PUM2: variants seen among roughly 807,000 people sequenced by gnomAD.
PUM2 encodes the protein pumilio homolog 2.
PUM2 carries 57 observed loss-of-function variants against 124.5 expected under a neutral mutation model. The observed-to-expected ratio is 0.46, with a 90% CI of 0.37 to 0.57. PUM2 has a LOEUF of 0.57. Ranked by LOEUF, PUM2 falls within the 20% of genes least tolerant of loss-of-function variation. The probability of loss-of-function intolerance (pLI) is 0.00; values close to 1 mark genes in which losing one functional copy is unlikely to be tolerated. For missense variants in PUM2, 1,065 were observed against 1,290.6 expected, an observed-to-expected ratio of 0.83 and a Z score of 2.68; for synonymous variants, 460 against 446.1, an observed-to-expected ratio of 1.03 and a Z score of -0.39.
chr2:20,248,938 G>A lies in PUM2; in HGVS notation c.*2647C>T, dbSNP rs1396271484. On this transcript the variant is annotated 3_prime_UTR_variant, in exon 21 of 21. Coordinates refer to ENST00000361078, the MANE Select transcript of PUM2 (RefSeq NM_015317.5). ...GCCCAATTGTTTTATTCTGAAATGT[G>A]ATTTTCAGATTTTACCAAAATTTCA... 6.6e-6 allele frequency: 1 copy of A among 152,402 alleles called. No homozygotes were observed. The highest frequency in any genetic ancestry group is 1.9e-4 in the East Asian group (1 of 5,206). The allele number at this position is 152,402 out of a possible 1,614,324, so 9.4% of individuals were successfully genotyped here.
intron 1 of PUM2, among the ~76,000 whole-genome samples, chr2:20,340,835 G>A (rs529454934): frequency 6.6e-6 from 1 of 152,238 alleles, no homozygotes; most frequent in African/African-American, 2.4e-5. Flanking sequence ...ACAGTTCCAG[G>A]TTGGCCACTA....
intron 20 of PUM2, among the ~76,000 whole-genome samples, chr2:20,252,168 CA>C (rs1663549950): frequency 6.6e-6 from 1 of 152,290 alleles, no homozygotes; most frequent in Admixed American, 6.5e-5. Context: ...TAGTTTACAG[CA>C]GAAACACTCA....
At chr2:20,318,489 A>G in intron 3 of PUM2, 48 bp downstream of exon 3, 1 of 1,511,546 alleles carries the variant, frequency 6.6e-7, no homozygotes. Context: ...TATGACTTAT[A>G]AAATGCTAAA....
chr2:20,329,899 A>T (rs1209384729), intron 1 of PUM2, among the ~76,000 whole-genome samples: 1 of 152,168 alleles, frequency 6.6e-6, no homozygotes, highest in Non-Finnish European at 1.5e-5. Flanking sequence ...AATGAACAGG[A>T]TGGTAAAAAT....
intron 7 of PUM2, among the ~76,000 whole-genome samples, chr2:20,302,045 TA>T (rs976094240): frequency 5.3e-5 from 8 of 152,230 alleles, no homozygotes; most frequent in African/African-American, 1.2e-4. Flanking sequence ...ACTATATCCT[TA>T]AAAAAAATTT....
At chr2:20,294,318 T>C (rs1674966520) in intron 9 of PUM2, 58 bp downstream of exon 9, 1 of 1,575,262 alleles carries the variant, frequency 6.3e-7, no homozygotes, top group African/African-American at 1.4e-5. Flanking sequence ...TCTTAAACAT[T>C]AGGAGCTCAA....
intron 13 of PUM2, among the ~76,000 whole-genome samples, chr2:20,266,695 T>C (rs2148644254): frequency 6.6e-6 from 1 of 152,234 alleles, no homozygotes; most frequent in South Asian, 2.1e-4. Flanking sequence ...ATCTGGAGAT[T>C]GAGACATTCT....
chr2:20,291,160 A>C (rs1673977348), intron 9 of PUM2, among the ~76,000 whole-genome samples: 1 of 152,214 alleles, frequency 6.6e-6, no homozygotes, highest in Non-Finnish European at 1.5e-5. Context: ...CTGAGTCCAC[A>C]CTGTGGAAGG....
At chr2:20,324,124 G>C (rs1390580323) in intron 2 of PUM2, among the ~76,000 whole-genome samples, 1 of 152,006 alleles carries the variant, frequency 6.6e-6, no homozygotes, top group African/African-American at 2.4e-5. Context: ...TTATCCCTAA[G>C]AGCTTATATT....
At position 20,258,260 on chromosome 2, in the gene PUM2, T is replaced by G. The variant is rs191442919; in HGVS notation, c.2467A>C (p.Ile823Leu). 2.4e-5 allele frequency: 38 copies of G among 1,600,154 alleles called. No homozygotes were observed. The highest frequency in any genetic ancestry group is 2.9e-5 in the Non-Finnish European group (34 of 1,171,974). ...ACAATTACCTGCTGGTCAGAAGAAATAGATTCTAATGCTTTCTGAATAACG... is the reference window on the plus strand; with the variant it reads ...ACAATTACCTGCTGGTCAGAAGAAAGAGATTCTAATGCTTTCTGAATAACG... ...CRVIQKALES[I>L]SSDQQSEMVK... Residue 823 changes from isoleucine to leucine, a missense_variant, in exon 16 of 21, where the codon ATT (isoleucine) becomes CTT (leucine). Around this residue, in one of 3 missense-constraint regions of PUM2, gnomAD observed 968 missense variants for 1,159.8 expected, o/e 0.83. Coordinates refer to ENST00000361078, the MANE Select transcript of PUM2 (RefSeq NM_015317.5).
intron 13 of PUM2, among the ~76,000 whole-genome samples, chr2:20,272,539 T>C (rs76212937): frequency 0.015 from 2,212 of 152,346 alleles, 65 homozygotes; most frequent in African/African-American, 0.049. Context: ...TATTTATTTA[T>C]CCTTGTGCCA....
At chr2:20,309,611 A>G (rs1679152319) in intron 5 of PUM2, among the ~76,000 whole-genome samples, 1 of 152,116 alleles carries the variant, frequency 6.6e-6, no homozygotes, top group African/African-American at 2.4e-5. Flanking sequence ...TAAATGTTTT[A>G]TATAGGATCC....
intron 9 of PUM2, among the ~76,000 whole-genome samples, chr2:20,291,618 CTTCT>C (rs1330454161): frequency 6.6e-6 from 1 of 152,074 alleles, no homozygotes; most frequent in Non-Finnish European, 1.5e-5. Flanking sequence ...TTTCTTTCCT[CTTCT>C]TTTTCTTGTG....
At position 20,283,917 on chromosome 2, in the gene PUM2, C is replaced by T. The variant is rs148584783; in HGVS notation, c.1292-431G>A. 3.7e-3 allele frequency among the ~76,000 whole-genome samples: 567 copies of T among 152,248 alleles called. 4 individuals are homozygous for T. Among genetic ancestry groups the T allele is most frequent in the African/African-American group, 0.012 (488 of 41,528 alleles). On this transcript the variant is annotated intron_variant, in intron 10 of 20. Coordinates refer to ENST00000361078, the MANE Select transcript of PUM2 (RefSeq NM_015317.5). ...ATCAAGTGCCTCATTACCAGCATTCCGTTAGATTTTCATTTGTAATCATCT... is the reference window on the plus strand; with the variant it reads ...ATCAAGTGCCTCATTACCAGCATTCTGTTAGATTTTCATTTGTAATCATCT...
At chr2:20,349,098 A>G (rs1210026322) in intron 1 of PUM2, among the ~76,000 whole-genome samples, 3 of 152,244 alleles carry the variant, frequency 2.0e-5, no homozygotes, top group Non-Finnish European at 2.9e-5. Context: ...GCTCTTTTAA[A>G]AAGTTGAAAT....
chr2:20,329,174 C>CAAAAAAAAAAAAA (rs769818181), intron 1 of PUM2, among the ~76,000 whole-genome samples: 1 of 63,104 alleles, frequency 1.6e-5, no homozygotes, highest in Non-Finnish European at 3.4e-5. Flanking sequence ...ACCCTGTCTC[C>CAAAAAAAAAAAAA]AAAAAAAAAA....
At chr2:20,304,072 A>G (rs1677645191) in intron 7 of PUM2, among the ~76,000 whole-genome samples, 1 of 152,186 alleles carries the variant, frequency 6.6e-6, no homozygotes, top group Admixed American at 6.5e-5. Flanking sequence ...GTGGTATCAG[A>G]ATTATTGCCT....
At position 20,256,019 on chromosome 2, in the gene PUM2, A is replaced by C; in HGVS notation, c.2622+14T>G. The C allele has an allele frequency of 6.6e-7, 1 of 1,518,632 alleles. No homozygotes were observed. 94.1% of individuals were successfully genotyped at this position (1,518,632 alleles called of 1,614,324 possible). ...TGCCCTGCTAACAAATTATAAGCCA[A>C]AACTCAAACATACTTGTCCCTTGAA... On this transcript the variant is annotated intron_variant, in intron 17 of 20. Transcript: ENST00000361078.
In PUM2 at chr2:20,263,449, T is replaced by C; in HGVS notation, c.1969A>G (p.Asn657Asp). The change falls in exon 14 of 21, where the codon AAT becomes GAT. Residue 657 changes from asparagine (N) to aspartate (D), a missense_variant. Coordinates refer to ENST00000361078, the MANE Select transcript of PUM2 (RefSeq NM_015317.5). ...GCAGAGATATATCGACCACTACCATTTGTCAGTCCTCCTACAACAAAGCAG... is the reference window on the plus strand; with the variant it reads ...GCAGAGATATATCGACCACTACCATCTGTCAGTCCTCCTACAACAAAGCAG... ...SSSLHLGGLT[N>D]GSGRYISAAP... The C allele has an allele frequency of 6.2e-7, 1 of 1,609,922 alleles. No individual in the cohort carries two copies.
Sources: allele counts gnomAD v4.1 joint callset (sites outside exome capture counted in the v4.1 genomes callset), GRCh38; gene constraint gnomAD v4.1.1; regional missense constraint gnomAD v4.1.1; transcripts MANE v1.5; gene names NCBI Gene and HGNC (gene_info 2026-07-23, HGNC 2026-07-21).